The following RINT1 variants were observed in gnomAD, a reference collection of about 807,000 sequenced individuals.
RINT1 encodes RAD50-interacting protein 1.
Under a neutral mutation model 97.7 loss-of-function variants are expected in RINT1, and 75 were observed. The observed-to-expected ratio is 0.77, with a 90% CI of 0.64 to 0.93. The LOEUF is 0.93. Among genes scored for constraint, RINT1 ranks in the 40% least tolerant of loss-of-function variants. The probability of loss-of-function intolerance (pLI) is 0.00; values close to 1 mark genes in which losing one functional copy is unlikely to be tolerated. For missense variants in RINT1, 892 were observed against 925.2 expected (o/e 0.96, Z 0.47); for synonymous variants, 303 against 326.3 (o/e 0.93, Z 0.77).
intron 11 of RINT1, among the ~76,000 whole-genome samples, chr7:105,561,246 C>T (rs765392587): frequency 5.9e-5 from 9 of 151,740 alleles, no homozygotes; most frequent in Non-Finnish European, 1.2e-4. Context: ...TTTAGAACAA[C>T]GCCAGGCATG....
chr7:105,552,240 A>T (rs1790959958), intron 10 of RINT1, among the ~76,000 whole-genome samples: 1 of 152,224 alleles, frequency 6.6e-6, no homozygotes, highest in South Asian at 2.1e-4. Flanking sequence ...CTGAATAATT[A>T]CACAAAAACA....
rs748824111 is a variant in RINT1 at position 105,547,295 on chromosome 7, G to A, written c.801G>A (p.Leu267=). 5 of 1,613,992 alleles carry A rather than the reference G, an allele frequency of 3.1e-6. No homozygotes were observed. The highest frequency in any genetic ancestry group is 4.2e-6 in the Non-Finnish European group (5 of 1,180,002). The change falls in exon 6 of 15, where the codon CTG becomes CTA. Residue 267 remains leucine, a synonymous_variant. Coordinates refer to ENST00000257700, the MANE Select transcript of RINT1 (RefSeq NM_021930.6). ...PASAPEIYSY[L]ETLFCQLLKL... is the part of the protein sequence containing the mutation. ...GTGCCCCGGAGATATACAGTTACCT[G>A]GAGACACTGTTTTGTCAGCTTTTGA... is the stretch of plus-strand genomic sequence containing the variant.
chr7:105,535,531 CCTTTTTTA>C (rs1790197211), intron 2 of RINT1: 1 of 449,936 alleles, frequency 2.2e-6, no homozygotes, highest in Non-Finnish European at 4.4e-6. Context: ...CCCAGCCAAA[CCTTTTTTA>C]CTTTTTTGTT....
At position 105,553,672 on chromosome 7, in the gene RINT1, C is replaced by G. The variant is rs553775199; in HGVS notation, c.1472-1356C>G. On this transcript the variant is annotated intron_variant, in intron 10 of 14. Transcript: ENST00000257700. ...AGGTGATCCACCTGCCTCGGCCTCCCAAAGTGCTGGGATTACAGGCGTGAG... is the reference window on the plus strand; with the variant it reads ...AGGTGATCCACCTGCCTCGGCCTCCGAAAGTGCTGGGATTACAGGCGTGAG... 2.1e-5 allele frequency among the ~76,000 whole-genome samples: 3 copies of G among 143,650 alleles called. No individual in the cohort carries two copies. The South Asian group carries it at 6.9e-4, about 33-fold the overall frequency. 94.2% of individuals were successfully genotyped at this position (143,650 alleles called of 152,430 possible).
chr7:105,566,484 TC>T (rs1178079771), intron 14 of RINT1: 5 of 152,044 alleles, frequency 3.3e-5, no homozygotes, highest in African/African-American at 1.2e-4. Flanking sequence ...ATAGCAAGAC[TC>T]CATCTCTACA....
chr7:105,548,578 G>C lies in RINT1; in HGVS notation c.864G>C (p.Lys288Asn). 1.9e-6 allele frequency: 3 copies of C among 1,614,050 alleles called. No homozygotes were observed. Among genetic ancestry groups the C allele is most frequent in the Non-Finnish European group, 2.5e-6 (3 of 1,180,002 alleles). The change falls in exon 7 of 15, where the codon AAG becomes AAC. Residue 288 changes from lysine to asparagine, a missense_variant. Transcript: ENST00000257700. ...GAGATGAATTACTTACTGAGCCAAA[G>C]CAACTCCCAGAAAAATACTCTCTTC... Reference protein sequence around the residue: ...QTSDELLTEPKQLPEKYSLPA... With the variant: ...QTSDELLTEPNQLPEKYSLPA...
chr7:105,539,286 C>G (rs531081994), intron 3 of RINT1, among the ~76,000 whole-genome samples: 1 of 152,012 alleles, frequency 6.6e-6, no homozygotes, highest in Non-Finnish European at 1.5e-5. Flanking sequence ...TCCTCTCATC[C>G]TCTATCCCAT....
chr7:105,559,613 C>A (rs1204649965), intron 11 of RINT1, among the ~76,000 whole-genome samples: 3 of 148,222 alleles, frequency 2.0e-5, no homozygotes, highest in Non-Finnish European at 3.0e-5. Context: ...CCCAGCTACT[C>A]AGGAGGCTGA....
intron 2 of RINT1, among the ~76,000 whole-genome samples, chr7:105,533,964 A>T (rs1418725827): frequency 6.6e-6 from 1 of 152,218 alleles, no homozygotes; most frequent in Non-Finnish European, 1.5e-5. Context: ...CAAAAAATAG[A>T]AAAGGAGACA....
chr7:105,548,459 AT>A, intron 6 of RINT1, 94 bp from the exon 7 acceptor site: 1 of 1,160,482 alleles, frequency 8.6e-7, no homozygotes, highest in Non-Finnish European at 1.3e-6. Flanking sequence ...TATCTGATAC[AT>A]TTGTTGGAAA....
rs1215296837 is a variant in RINT1, at chr7:105,536,639, T to A, written c.163T>A (p.Tyr55Asn). 4.3e-6 allele frequency: 7 copies of A among 1,612,568 alleles called. No individual in the cohort carries two copies. Among genetic ancestry groups the A allele is most frequent in the Non-Finnish European group, 5.9e-6 (7 of 1,179,012 alleles). Residue 55 changes from tyrosine (Y) to asparagine (N), a missense_variant, in exon 3 of 15, where the codon TAT becomes AAT. Physicochemically the swap from Tyr to Asn is moderately radical, Grantham distance 143 (BLOSUM62 -2). Coordinates refer to ENST00000257700, the MANE Select transcript of RINT1 (RefSeq NM_021930.6). ...TACAGATAATGGTGATCTCCCTTCT[T>A]ATGTGTCTGCATTCATAGAAAAGGA... Reference protein sequence around the residue: ...EGTDNGDLPSYVSAFIEKEVG... With the variant: ...EGTDNGDLPSNVSAFIEKEVG...
At chr7:105,537,069 C>A (rs1391780242) in intron 3 of RINT1, among the ~76,000 whole-genome samples, 1 of 150,638 alleles carries the variant, frequency 6.6e-6, no homozygotes, top group African/African-American at 2.4e-5. Context: ...CTTTTACAAG[C>A]AAATAATTTC....
At chr7:105,553,460 C>T (rs911061710) in intron 10 of RINT1, among the ~76,000 whole-genome samples, 2 of 150,988 alleles carry the variant, frequency 1.3e-5, no homozygotes, top group Admixed American at 1.3e-4. Context: ...GTGGCTCACA[C>T]CTGTAATCCC....
chr7:105,546,599 C>G (rs947188258), intron 4 of RINT1, among the ~76,000 whole-genome samples: 3 of 152,234 alleles, frequency 2.0e-5, no homozygotes, highest in African/African-American at 7.2e-5. Context: ...TTCGGCTGGG[C>G]ACGGTGACTC....
intron 11 of RINT1, among the ~76,000 whole-genome samples, chr7:105,562,143 G>A (rs376073859): frequency 9.9e-5 from 15 of 152,106 alleles, no homozygotes; most frequent in South Asian, 4.1e-4. Context: ...TGCTTTTTCC[G>A]GTTAACAATA....
chr7:105,566,594 C>T (rs1211291162), intron 14 of RINT1: 1 of 151,744 alleles, frequency 6.6e-6, no homozygotes, highest in Non-Finnish European at 1.5e-5. Context: ...GAGCTATGAT[C>T]GTGCAGTTTC....
chr7:105,549,316 T>G (rs1243452207), intron 7 of RINT1, among the ~76,000 whole-genome samples: 1 of 151,588 alleles, frequency 6.6e-6, no homozygotes, highest in Non-Finnish European at 1.5e-5. Flanking sequence ...CTTAAACCTG[T>G]ATAAGACATG....
At chr7:105,552,275 A>T (rs909374139) in intron 10 of RINT1, among the ~76,000 whole-genome samples, 6 of 152,370 alleles carry the variant, frequency 3.9e-5, no homozygotes, top group African/African-American at 1.4e-4. Flanking sequence ...TAATTTTATT[A>T]TCCAAACTGT....
In RINT1 at chr7:105,563,900, C is replaced by T. The variant is rs752521575; in HGVS notation, c.1839C>T (p.His613=). The T allele has an allele frequency of 6.2e-6, 10 of 1,613,924 alleles. No homozygotes were observed. Among genetic ancestry groups the T allele is most frequent in the Admixed American group, 1.7e-5 (1 of 59,968 alleles). ...KHDMLTRQVD[H]VFREVKDAAK... ...ATATGTTGACCCGTCAAGTAGACCACGTTTTTAGAGAAGTTAAAGATGCTG... is the reference window on the plus strand; with the variant it reads ...ATATGTTGACCCGTCAAGTAGACCATGTTTTTAGAGAAGTTAAAGATGCTG... The change falls in exon 12 of 15, where the codon CAC becomes CAT. Residue 613 remains histidine (H), a synonymous_variant. Coordinates refer to ENST00000257700, the MANE Select transcript of RINT1 (RefSeq NM_021930.6).
Sources: allele counts gnomAD v4.1 joint callset (sites outside exome capture counted in the v4.1 genomes callset), GRCh38; gene constraint gnomAD v4.1.1; transcripts MANE v1.5; gene names NCBI Gene and HGNC (gene_info 2026-07-23, HGNC 2026-07-21).